The following LARP1B variants were observed in gnomAD, a reference collection of about 807,000 sequenced individuals.
LARP1B encodes La ribonucleoprotein 1B.
A neutral mutation model predicts 114.2 loss-of-function variants in LARP1B; 76 were observed. The observed-to-expected ratio is 0.67, with a 90% CI of 0.55 to 0.81. LARP1B has a LOEUF of 0.81. Ranked by LOEUF, LARP1B falls within the 30% of genes least tolerant of loss-of-function variation. LARP1B has a pLI of 0.00. For missense variants in LARP1B, 1,014 were observed against 1,075.8 expected, an observed-to-expected ratio of 0.94 and a Z score of 0.80; for synonymous variants, 345 against 348.0, an observed-to-expected ratio of 0.99 and a Z score of 0.10.
intron 8 of LARP1B, among the ~76,000 whole-genome samples, chr4:128,100,490 T>C (rs551498148): frequency 1.3e-5 from 2 of 151,638 alleles, no homozygotes; most frequent in Admixed American, 1.3e-4. Context: ...GCCAGGATGG[T>C]CTTGATCTTT....
chr4:128,210,742 G>A lies in LARP1B; in HGVS notation c.*689G>A. 1 of 984,664 alleles carries A rather than the reference G, an allele frequency of 1.0e-6. No homozygotes were observed. The highest frequency in any genetic ancestry group is 1.2e-6 in the Non-Finnish European group (1 of 829,826). The allele number at this position is 984,664 out of a possible 1,614,324, so 61.0% of individuals were successfully genotyped here. On this transcript the variant is annotated 3_prime_UTR_variant, in exon 20 of 20. Transcript: ENST00000326639. ...GTCATATCTCATGATTTCCACAGTT[G>A]TTGTATTGGTGTGGAGTTTTCTGAA...
intron 11 of LARP1B, among the ~76,000 whole-genome samples, chr4:128,160,131 T>C (rs1212989165): frequency 1.3e-5 from 2 of 152,226 alleles, no homozygotes; most frequent in Admixed American, 1.3e-4. Flanking sequence ...GAAGTAGTCA[T>C]AGGCAATATG....
In LARP1B at chr4:128,210,827, C is replaced by T. The variant is rs183745641; in HGVS notation, c.*774C>T. 184 of 983,660 alleles carry T rather than the reference C, an allele frequency of 1.9e-4. 1 individual carries two copies. The African/African-American group carries it at 2.2e-3, about 12-fold the overall frequency. The allele number at this position is 983,660 out of a possible 1,614,324, so 60.9% of individuals were successfully genotyped here. On this transcript the variant is annotated 3_prime_UTR_variant, in exon 20 of 20. Transcript: ENST00000326639. ...TTTTATGATTCTATATAAACGTGCA[C>T]GAGTAATTTAAAACCTGCATTGGGA... is the stretch of plus-strand genomic sequence containing the variant.
chr4:128,172,175 T>TTTTTTTC (rs1425342841), intron 12 of LARP1B, among the ~76,000 whole-genome samples: 2 of 151,978 alleles, frequency 1.3e-5, no homozygotes. Flanking sequence ...TTTTTTTCTG[T>TTTTTTTC]TGTTGAGGTT....
intron 10 of LARP1B, 143 bp downstream of exon 10, chr4:128,114,885 C>T (rs570135208): frequency 4.8e-6 from 3 of 618,598 alleles, no homozygotes; most frequent in South Asian, 2.4e-5. Context: ...CTTCAGTAGA[C>T]ACTTATGGGT....
chr4:128,221,750 G>C (rs989989503), intron 7 of LARP1B, among the ~76,000 whole-genome samples: 3 of 152,162 alleles, frequency 2.0e-5, no homozygotes, highest in Non-Finnish European at 4.4e-5. Context: ...TGAGTCAGTG[G>C]ATGGACTTTA....
At position 128,170,781 on chromosome 4, in the gene LARP1B, A is replaced by G. The variant is rs372012931; in HGVS notation, c.1649-6091A>G. Among the ~76,000 whole-genome samples the G allele has an allele frequency of 6.1e-4, 92 of 150,644 alleles. 1 individual carries two copies. Among genetic ancestry groups the G allele is most frequent in the African/African-American group, 1.9e-3 (80 of 41,030 alleles). On this transcript the variant is annotated intron_variant, in intron 12 of 19. Coordinates refer to ENST00000326639, the MANE Select transcript of LARP1B (RefSeq NM_018078.4). ...CATGTTTTTTATTCAGTCTGACAGT[A>G]TATCTTTTAATTGGTATGTTTTGAC...
intron 17 of LARP1B, among the ~76,000 whole-genome samples, chr4:128,201,935 A>G (rs888369088): frequency 1.3e-5 from 2 of 152,194 alleles, no homozygotes; most frequent in Admixed American, 1.3e-4. Context: ...ATAAGAATAT[A>G]TTGTTTACCA....
At chr4:128,073,707 C>T (rs1766632837) in intron 1 of LARP1B, among the ~76,000 whole-genome samples, 1 of 147,760 alleles carries the variant, frequency 6.8e-6, no homozygotes, top group East Asian at 2.1e-4. Flanking sequence ...TCTCCTGCCT[C>T]AGCCTTCTGA....
chr4:128,177,836 T>A (rs1384272322), intron 13 of LARP1B, among the ~76,000 whole-genome samples: 1 of 152,088 alleles, frequency 6.6e-6, no homozygotes, highest in Non-Finnish European at 1.5e-5. Flanking sequence ...CCTAGAGAAA[T>A]GCTTGTACCT....
At chr4:128,108,782 G>T in intron 9 of LARP1B, 1 of 985,062 alleles carries the variant, frequency 1.0e-6, no homozygotes, top group Non-Finnish European at 1.2e-6. Flanking sequence ...AAGGCATTGG[G>T]TAAGTTAGAT....
At chr4:128,102,401 C>G (rs1468849501) in intron 8 of LARP1B, among the ~76,000 whole-genome samples, 2 of 152,158 alleles carry the variant, frequency 1.3e-5, no homozygotes, top group Non-Finnish European at 2.9e-5. Context: ...AATAAGTAAG[C>G]ATTTGCTATT....
chr4:128,206,302 T>G, intron 17 of LARP1B, 126 bp from the exon 18 acceptor site: 1 of 576,744 alleles, frequency 1.7e-6, no homozygotes, highest in South Asian at 3.3e-5. Flanking sequence ...CAAAAATAAT[T>G]AAAAAATCTG....
chr4:128,126,403 G>A (rs766261338), intron 11 of LARP1B, among the ~76,000 whole-genome samples: 39 of 152,300 alleles, frequency 2.6e-4, no homozygotes, highest in Admixed American at 1.6e-3. Flanking sequence ...GATTACAGGC[G>A]TGAGCCACCA....
chr4:128,135,175 G>A (rs1039123710), intron 11 of LARP1B, among the ~76,000 whole-genome samples: 1 of 151,576 alleles, frequency 6.6e-6, no homozygotes. Flanking sequence ...AAAGATGCTC[G>A]AAGTCACTAC....
chr4:128,078,935 A>G (rs1321107176), intron 4 of LARP1B, among the ~76,000 whole-genome samples: 3 of 152,146 alleles, frequency 2.0e-5, no homozygotes, highest in Non-Finnish European at 2.9e-5. Context: ...AGGGCCTTGG[A>G]GTTATGATTC....
intron 12 of LARP1B, among the ~76,000 whole-genome samples, chr4:128,171,518 T>A (rs1047605108): frequency 2.0e-5 from 3 of 152,204 alleles, no homozygotes; most frequent in Admixed American, 2.0e-4. Context: ...TTCAAGCGTG[T>A]TTTACTTTCA....
chr4:128,068,038 G>A (rs1317877782), intron 1 of LARP1B, among the ~76,000 whole-genome samples: 1 of 151,966 alleles, frequency 6.6e-6, no homozygotes, highest in African/African-American at 2.4e-5. Flanking sequence ...CCGCCACCTT[G>A]CCCGGCTAAT....
chr4:128,192,911 C>T (rs1435643684), intron 15 of LARP1B, among the ~76,000 whole-genome samples: 1 of 152,036 alleles, frequency 6.6e-6, no homozygotes, highest in Non-Finnish European at 1.5e-5. Context: ...CAGGTTACTG[C>T]AGTCTCAAAC....
Sources: gnomAD v4.1 joint callset for allele counts (sites outside exome capture counted in the v4.1 genomes callset) on GRCh38, gnomAD v4.1.1 for gene constraint, MANE v1.5 for transcripts, NCBI Gene and HGNC (gene_info 2026-07-23, HGNC 2026-07-21) for gene names.